Variants in PXN observed in about 807,000 individuals in gnomAD.
PXN encodes the protein paxillin, also known as testicular tissue protein Li 134.
A neutral mutation model predicts 103.6 loss-of-function variants in PXN; 61 were observed. That is an observed-to-expected ratio of 0.59 (90% CI 0.48 to 0.73). The LOEUF (loss-of-function observed/expected upper bound fraction) is 0.73. Ranked by LOEUF, PXN falls within the 30% of genes least tolerant of loss-of-function variation. The probability of loss-of-function intolerance (pLI) is 0.00; values close to 1 mark genes in which losing one functional copy is unlikely to be tolerated. For synonymous variants in PXN, 562 were observed against 607.8 expected (o/e 0.92, Z 1.11); for missense variants, 1,274 against 1,460.3 (o/e 0.87, Z 2.08).
chr12:120,250,426 T>G (rs1301537109), intron 1 of PXN, among the ~76,000 whole-genome samples: 1 of 152,138 alleles, frequency 6.6e-6, no homozygotes, highest in East Asian at 1.9e-4. Context: ...TCTCCTTTTT[T>G]CTACTGCTAC....
intron 1 of PXN, among the ~76,000 whole-genome samples, chr12:120,239,135 G>A (rs201424500): frequency 6.6e-6 from 1 of 152,302 alleles, no homozygotes; most frequent in East Asian, 1.9e-4. Context: ...TGGTGCCACT[G>A]GTTTCTCCTT....
chr12:120,219,432 C>T lies in PXN; in HGVS notation c.1491G>A (p.Gly497=). The change falls in exon 7 of 15, where the codon GGG becomes GGA. Residue 497 remains glycine (G), a synonymous_variant. Transcript: ENST00000637617. The surrounding 1 kb of genome is among the most constrained non-coding windows in gnomAD (Gnocchi z 6.5). ...LQQERPRPEP[G]RLGSSSPASV... ...AGGCAGGGGAGCTGCTTCCCAGCCT[C>T]CCTGGCTCTGGCCTTGGCCTCTCCT... is the stretch of plus-strand genomic sequence containing the variant. 6.3e-7 allele frequency: 1 copy of T among 1,598,150 alleles called. No individual in the cohort carries two copies. Among genetic ancestry groups the T allele is most frequent in the Non-Finnish European group, 8.5e-7 (1 of 1,179,562 alleles).
chr12:120,248,492 TCACACACACACACACA>T (rs3221954), intron 1 of PXN, among the ~76,000 whole-genome samples: 30 of 127,942 alleles, frequency 2.3e-4, no homozygotes, highest in East Asian at 7.0e-4. Flanking sequence ...CAGATGACTT[TCACACACACACACACA>T]CACACACACA....
chr12:120,229,382 A>C lies in PXN; in HGVS notation c.14-5005T>G, dbSNP rs1887568604. Among the ~76,000 whole-genome samples, 1 of 152,176 alleles carries C rather than the reference A, an allele frequency of 6.6e-6. No individual in the cohort carries two copies. The highest frequency in any genetic ancestry group is 1.5e-5 in the Non-Finnish European group (1 of 68,038). On this transcript the variant is annotated intron_variant, in intron 1 of 14. Coordinates refer to ENST00000637617, the MANE Select transcript of PXN (RefSeq NM_001385981.1). This position sits in a 1 kb window ranked among gnomAD's most constrained non-coding sequence, Gnocchi z 4.0. ...GGCCTGGAGCTGGACAGGTGCCAAGAGAGAGGAGATAAAAGTCCATCTCTC... is the reference window on the plus strand; with the variant it reads ...GGCCTGGAGCTGGACAGGTGCCAAGCGAGAGGAGATAAAAGTCCATCTCTC...
intron 1 of PXN, among the ~76,000 whole-genome samples, chr12:120,239,697 C>T (rs1241960720): frequency 6.6e-6 from 1 of 152,042 alleles, no homozygotes; most frequent in Non-Finnish European, 1.5e-5. Context: ...GTTGCAGTGA[C>T]CTGAGATCAC....
chr12:120,223,048 G>C (rs764943609), intron 3 of PXN, 49 bp from the exon 4 acceptor site: 12 of 1,613,118 alleles, frequency 7.4e-6, no homozygotes, highest in Non-Finnish European at 1.0e-5. Context: ...TTCTGGCCTT[G>C]TACTGGCTTG....
At chr12:120,257,881 C>T (rs576361243) in intron 1 of PXN, among the ~76,000 whole-genome samples, 3 of 152,252 alleles carry the variant, frequency 2.0e-5, no homozygotes, top group Non-Finnish European at 4.4e-5. Flanking sequence ...GCCCAGAGAC[C>T]GTTCCCTGAA....
chr12:120,223,590 A>T, intron 3 of PXN, 128 bp downstream of exon 3: 1 of 658,812 alleles, frequency 1.5e-6, no homozygotes, highest in Non-Finnish European at 2.5e-6. Flanking sequence ...TCTGCAGCTT[A>T]AACCAGAATA....
Position 120,214,203 on chromosome 12 carries a change from G to A in PXN, c.2763C>T (p.Ala921=). ...NGPILDKVVT[A]LDRTWHPEHF... Reference sequence around the variant, plus strand: ...GTTCAGGGTGCCACGTCCGGTCAAGGGCTGTCACCACTTTCTGTGAAAGCA... The same window carrying A: ...GTTCAGGGTGCCACGTCCGGTCAAGAGCTGTCACCACTTTCTGTGAAAGCA... Residue 921 remains alanine (A), a synonymous_variant, in exon 13 of 15, where the codon GCC becomes GCT. Transcript: ENST00000637617. This position sits in a 1 kb window ranked among gnomAD's most constrained non-coding sequence, Gnocchi z 5.0. 6.4e-7 allele frequency: 1 copy of A among 1,551,842 alleles called. No homozygotes were observed. The highest frequency in any genetic ancestry group is 8.7e-7 in the Non-Finnish European group (1 of 1,147,132).
In PXN at chr12:120,265,691, A is replaced by G; in HGVS notation, c.-62T>C. The G allele has an allele frequency of 3.0e-6, 4 of 1,352,994 alleles. No individual in the cohort carries two copies. Among genetic ancestry groups the G allele is most frequent in the Non-Finnish European group, 3.8e-6 (4 of 1,048,554 alleles). 83.8% of individuals were successfully genotyped at this position (1,352,994 alleles called of 1,614,324 possible). A position where few individuals can be genotyped will look rare whatever the true frequency, so the allele number is the denominator to read the frequency against. ...CTGCCCGTCCCGGGGCCGCTCGTCT[A>G]TGCCCCGCAACTTTTCCGCCGCGAG... On this transcript the variant is annotated 5_prime_UTR_variant, in exon 1 of 15. Transcript: ENST00000637617. The surrounding 1 kb of genome is among the most constrained non-coding windows in gnomAD (Gnocchi z 5.7).
chr12:120,212,298 G>C lies in PXN; in HGVS notation c.*16C>G, dbSNP rs765535652. On this transcript the variant is annotated 3_prime_UTR_variant, in exon 15 of 15. Transcript: ENST00000637617. The surrounding 1 kb of genome is among the most constrained non-coding windows in gnomAD (Gnocchi z 7.2). The stretch of plus-strand genomic sequence containing the variant: ...ATGCTGGCTGGGGAAGGGGGGCAGA[G>C]ACAGGGGCAGGGCACCTAGCAGAAG... The C allele has an allele frequency of 2.6e-5, 41 of 1,606,752 alleles. No individual in the cohort carries two copies. Among genetic ancestry groups the C allele is most frequent in the Non-Finnish European group, 3.0e-5 (35 of 1,175,712 alleles).
intron 1 of PXN, among the ~76,000 whole-genome samples, chr12:120,258,336 A>G (rs1460524176): frequency 6.6e-6 from 1 of 152,142 alleles, no homozygotes; most frequent in African/African-American, 2.4e-5. Context: ...GGCTGCCTCC[A>G]CACCTATGGA....
chr12:120,248,947 G>T (rs1192279122), intron 1 of PXN, among the ~76,000 whole-genome samples: 3 of 152,008 alleles, frequency 2.0e-5, no homozygotes. Flanking sequence ...GACCAGCCTG[G>T]CCAACATGGT....
In PXN at chr12:120,213,927, T is replaced by C; in HGVS notation, c.2894A>G (p.Lys965Arg). 1 of 1,612,416 alleles carries C rather than the reference T, an allele frequency of 6.2e-7. No homozygotes were observed. The highest frequency in any genetic ancestry group is 1.1e-5 in the South Asian group (1 of 90,526). The change falls in exon 14 of 15, where the codon AAG becomes AGG. Residue 965 changes from lysine to arginine, a missense_variant. By Grantham distance (26) the Lys-to-Arg change is conservative. This residue lies in a region of PXN where 1,178 missense variants were observed against 1,309.0 expected (regional missense o/e 0.90). Coordinates refer to ENST00000637617, the MANE Select transcript of PXN (RefSeq NM_001385981.1). This position sits in a 1 kb window ranked among gnomAD's most constrained non-coding sequence, Gnocchi z 4.2. ...RKDYFDMFAP[K>R]CGGCARAILE... ...GATGGCCCGGGCGCAGCCGCCACAC[T>C]TGGGTGCGAACATGTCGAAGTAGTC...
In PXN at chr12:120,216,436, AG is replaced by A; in HGVS notation, c.2137del (p.Leu713TrpfsTer38). On this transcript the variant is annotated frameshift_variant, in exon 9 of 15. Coordinates refer to ENST00000637617, the MANE Select transcript of PXN (RefSeq NM_001385981.1). LOFTEE classifies it high-confidence loss of function. The surrounding 1 kb of genome is among the most constrained non-coding windows in gnomAD (Gnocchi z 5.1). ...PLPSLLASSP[L>X]GPSAYTCGSS... ...ACCACAGGTATAAGCTGAGGGCCCCAGGGGGGAGGAGGCGAGCAGGCTGGGC... is the reference window on the plus strand; with the variant it reads ...ACCACAGGTATAAGCTGAGGGCCCCAGGGGGAGGAGGCGAGCAGGCTGGGC... 5.1e-6 allele frequency: 7 copies of A among 1,377,222 alleles called. No individual in the cohort carries two copies. The highest frequency in any genetic ancestry group is 6.5e-6 in the Non-Finnish European group (7 of 1,074,710). 85.3% of individuals were successfully genotyped at this position (1,377,222 alleles called of 1,614,324 possible).
rs770602443 is a variant in PXN, at chr12:120,222,597, C to A, written c.647G>T (p.Ser216Ile). 2 of 1,609,116 alleles carry A rather than the reference C, an allele frequency of 1.2e-6. No individual in the cohort carries two copies. The highest frequency in any genetic ancestry group is 8.5e-7 in the Non-Finnish European group (1 of 1,178,068). ...CAGTTCATCCAAGAGACTCTCCACA[C>A]TGGGCCGCACGTCCTCCAGGCCCCG... ...GGRGLEDVRP[S>I]VESLLDELES... Residue 216 changes from serine (S) to isoleucine (I), a missense_variant, in exon 5 of 15, where the codon AGT becomes ATT. Physicochemically the swap from Ser to Ile is moderately radical, Grantham distance 142. Coordinates refer to ENST00000637617, the MANE Select transcript of PXN (RefSeq NM_001385981.1). The surrounding 1 kb of genome is among the most constrained non-coding windows in gnomAD (Gnocchi z 4.7).
chr12:120,251,766 A>G (rs1368454348), intron 1 of PXN, among the ~76,000 whole-genome samples: 7 of 152,070 alleles, frequency 4.6e-5, no homozygotes, highest in Admixed American at 3.3e-4. Flanking sequence ...GCAGTGAGCC[A>G]AGATTGTGCC....
chr12:120,217,123 G>A lies in PXN; in HGVS notation c.1717-7C>T. ...TCCTGATCACAGATCGGATCTAGGG[G>A]GAGGGGGAGGGGAGGCTGTCACCGT... On this transcript the variant is annotated splice_polypyrimidine_tract_variant and splice_region_variant and intron_variant, in intron 7 of 14. Coordinates refer to ENST00000637617, the MANE Select transcript of PXN (RefSeq NM_001385981.1). The surrounding 1 kb of genome is among the most constrained non-coding windows in gnomAD (Gnocchi z 4.1). 2 of 1,573,608 alleles carry A rather than the reference G, an allele frequency of 1.3e-6. No homozygotes were observed. The highest frequency in any genetic ancestry group is 1.1e-5 in the South Asian group (1 of 87,156).
chr12:120,220,555 T>C lies in PXN; in HGVS notation c.832-464A>G, dbSNP rs73415003. ...CTTCCACATCCTTGCTCCAGGGATCTGACTAAAACCACTGCTGCTTCTCCT... is the reference window on the plus strand; with the variant it reads ...CTTCCACATCCTTGCTCCAGGGATCCGACTAAAACCACTGCTGCTTCTCCT... On this transcript the variant is annotated intron_variant, in intron 6 of 14. Transcript: ENST00000637617. This position sits in a 1 kb window ranked among gnomAD's most constrained non-coding sequence, Gnocchi z 6.1. 1.4e-3 allele frequency among the ~76,000 whole-genome samples: 214 copies of C among 152,294 alleles called. No individual in the cohort carries two copies. Among genetic ancestry groups the C allele is most frequent in the African/African-American group, 5.0e-3 (207 of 41,558 alleles).
Sources: gnomAD v4.1 joint callset for allele counts (sites outside exome capture counted in the v4.1 genomes callset) on GRCh38, gnomAD v4.1.1 for gene constraint, gnomAD v4.1.1 regional missense constraint, Gnocchi (gnomAD v3.1) non-coding constraint, MANE v1.5 for transcripts, NCBI Gene and HGNC (gene_info 2026-07-23, HGNC 2026-07-21) for gene names.